The following MGAT5 variants were observed in gnomAD, a reference collection of about 807,000 sequenced individuals.
The protein encoded by MGAT5 is alpha-1,6-mannosylglycoprotein 6-beta-N-acetylglucosaminyltransferase, also known as alpha-1,6-mannosylglycoprotein 6-beta-N-acetylglucosaminyltransferase A.
Under a neutral mutation model 94.3 loss-of-function variants are expected in MGAT5, and 30 were observed. The ratio of observed to expected loss-of-function variants is 0.32; its 90% CI spans 0.24 to 0.43. The LOEUF is 0.43. MGAT5 is among the 20% of genes least tolerant of loss of function. The pLI is 1.00. For missense variants in MGAT5, 691 were observed against 905.5 expected (o/e 0.76, Z 3.04); for synonymous variants, 310 against 322.9 (o/e 0.96, Z 0.43).
intron 2 of MGAT5, among the ~76,000 whole-genome samples, chr2:134,313,089 C>CACACACAT (rs1246302623): frequency 6.7e-5 from 7 of 104,292 alleles, no homozygotes; most frequent in Admixed American, 3.0e-4. Flanking sequence ...CACACACACA[C>CACACACAT]ACATATCTGT....
intron 1 of MGAT5, among the ~76,000 whole-genome samples, chr2:134,181,989 T>G (rs1315590358): frequency 6.6e-6 from 1 of 152,220 alleles, no homozygotes; most frequent in Non-Finnish European, 1.5e-5. Flanking sequence ...CCTCATTGTG[T>G]GTGATCACTA....
At chr2:134,200,370 T>C (rs28470737) in intron 1 of MGAT5, among the ~76,000 whole-genome samples, 27,514 of 152,190 alleles carry the variant, frequency 0.18, 2,526 homozygotes, top group Admixed American at 0.22. Flanking sequence ...TGTAGATTCT[T>C]CTGGAAATTT....
chr2:134,279,347 A>G (rs1684560974), intron 2 of MGAT5, among the ~76,000 whole-genome samples: 1 of 152,110 alleles, frequency 6.6e-6, no homozygotes, highest in Admixed American at 6.5e-5. Flanking sequence ...GAGATTCCAT[A>G]ATAAGAATTT....
intron 1 of MGAT5, among the ~76,000 whole-genome samples, chr2:134,232,146 G>T (rs1681402843): frequency 6.6e-6 from 1 of 152,074 alleles, no homozygotes; most frequent in South Asian, 2.1e-4. Flanking sequence ...CTGTCCTGCT[G>T]ATTTGACCTC....
rs140522891 is a variant in MGAT5, at chr2:134,158,078, G to A, written c.-143+37787G>A. Among the ~76,000 whole-genome samples, 487 of 152,318 alleles carry A rather than the reference G, an allele frequency of 3.2e-3. 1 individual carries two copies. Among genetic ancestry groups the A allele is most frequent in the African/African-American group, 0.011 (447 of 41,566 alleles). On this transcript the variant is annotated intron_variant, in intron 1 of 16. Coordinates refer to the MGAT5 transcript ENST00000409645. ...GAAGGAAGGAAGCGTGTGCTGATTG[G>A]TCCATGGGCGGCCATGGGCAGGCCA...
intron 9 of MGAT5, among the ~76,000 whole-genome samples, chr2:134,353,743 G>A (rs567190178): frequency 2.6e-5 from 4 of 152,270 alleles, no homozygotes; most frequent in South Asian, 4.1e-4. Flanking sequence ...ATCAGTGGTC[G>A]CTAAATCCAT....
chr2:134,301,188 C>CAT (rs1685996366), intron 2 of MGAT5, among the ~76,000 whole-genome samples: 1 of 152,108 alleles, frequency 6.6e-6, no homozygotes, highest in Non-Finnish European at 1.5e-5. Context: ...CATGGTGCTG[C>CAT]ATATGTCAAT....
intron 9 of MGAT5, among the ~76,000 whole-genome samples, chr2:134,352,580 G>A (rs905109486): frequency 8.5e-5 from 13 of 152,152 alleles, no homozygotes; most frequent in African/African-American, 2.2e-4. Flanking sequence ...AAAAATGATT[G>A]CCATTGGATA....
intron 2 of MGAT5, among the ~76,000 whole-genome samples, chr2:134,305,215 C>T (rs1404797995): frequency 1.3e-5 from 2 of 152,228 alleles, no homozygotes; most frequent in East Asian, 1.9e-4. Context: ...AACCAAGCAA[C>T]CAAAACAAAA....
intron 1 of MGAT5, among the ~76,000 whole-genome samples, chr2:134,127,952 AT>A (rs544346077): frequency 4.8e-4 from 71 of 149,030 alleles, no homozygotes; most frequent in Non-Finnish European, 5.1e-4. Flanking sequence ...GTCTGTGGAC[AT>A]TTTTTTTTTC....
At chr2:134,242,592 G>A (rs1466033134) in intron 1 of MGAT5, among the ~76,000 whole-genome samples, 2 of 152,180 alleles carry the variant, frequency 1.3e-5, no homozygotes, top group African/African-American at 4.8e-5. Context: ...GTGAAAACAA[G>A]TAACCTTGCA....
chr2:134,189,541 C>G (rs1247292167), intron 1 of MGAT5, among the ~76,000 whole-genome samples: 1 of 148,444 alleles, frequency 6.7e-6, no homozygotes, highest in African/African-American at 2.5e-5. Context: ...AATCCAATGT[C>G]AGGTTGGGTT....
intron 6 of MGAT5, 54 bp from the exon 7 acceptor site, chr2:134,341,536 G>A: frequency 6.9e-7 from 1 of 1,441,202 alleles, no homozygotes; most frequent in Non-Finnish European, 9.3e-7. Flanking sequence ...GCGCATTACT[G>A]TGCCTTTTGT....
At chr2:134,226,858 G>A (rs999361022) in intron 1 of MGAT5, among the ~76,000 whole-genome samples, 2 of 152,150 alleles carry the variant, frequency 1.3e-5, no homozygotes, top group Admixed American at 6.5e-5. Flanking sequence ...ACACAGGCAT[G>A]TAAAGCAGCC....
At chr2:134,233,481 A>AT (rs111344718) in intron 1 of MGAT5, among the ~76,000 whole-genome samples, 1 of 152,072 alleles carries the variant, frequency 6.6e-6, no homozygotes, top group African/African-American at 2.4e-5. Flanking sequence ...CACTTGGTGC[A>AT]TTTTTTTTAT....
chr2:134,221,813 G>A (rs990964945), intron 1 of MGAT5, among the ~76,000 whole-genome samples: 13 of 152,092 alleles, frequency 8.5e-5, no homozygotes, highest in Middle Eastern at 3.2e-3. Context: ...TGTAAGGTCC[G>A]GTTTGAGGAA....
intron 11 of MGAT5, among the ~76,000 whole-genome samples, chr2:134,403,764 A>G (rs530183755): frequency 6.6e-6 from 1 of 152,338 alleles, no homozygotes; most frequent in South Asian, 2.1e-4. Flanking sequence ...AAGCCAACCC[A>G]GCTAGTCTAA....
At chr2:134,442,787 A>G (rs548271158) in intron 15 of MGAT5, among the ~76,000 whole-genome samples, 98 of 152,158 alleles carry the variant, frequency 6.4e-4, no homozygotes, top group Non-Finnish European at 1.2e-3. Context: ...TAGTCCACAT[A>G]TTGCATAATT....
In MGAT5 at chr2:134,407,046, G is replaced by C. The variant is rs1574033794; in HGVS notation, c.1530+3909G>C. 3.3e-5 allele frequency among the ~76,000 whole-genome samples: 5 copies of C among 152,316 alleles called. No individual in the cohort carries two copies. In the East Asian group the frequency reaches 9.6e-4, roughly 29 times the overall value. ...ATGATTGTATAAAGAATGAAAGAAG[G>C]AGTCAAAATGAAACACATTGACCAT... On this transcript the variant is annotated intron_variant, in intron 11 of 15. Coordinates refer to ENST00000281923, the MANE Select transcript of MGAT5 (RefSeq NM_002410.5).
Sources: allele counts gnomAD v4.1 joint callset (sites outside exome capture counted in the v4.1 genomes callset), GRCh38; gene constraint gnomAD v4.1.1; transcripts MANE v1.5; gene names NCBI Gene and HGNC (gene_info 2026-07-23, HGNC 2026-07-21).